Variants in VWF observed in about 807,000 individuals in gnomAD.
VWF encodes Factor VIII related antigen.
A neutral mutation model predicts 308.6 loss-of-function variants in VWF; 176 were observed. That is an observed-to-expected ratio of 0.57 (90% CI 0.50 to 0.65). The LOEUF (loss-of-function observed/expected upper bound fraction) is 0.65, where lower values mean the gene tolerates loss of function less well. Ranked by LOEUF, VWF falls within the 30% of genes least tolerant of loss-of-function variation. VWF has a pLI of 0.00. For synonymous variants in VWF, 1,385 were observed against 1,443.4 expected (o/e 0.96, Z 0.92); for missense variants, 3,146 against 3,648.2 (o/e 0.86, Z 3.55).
chr12:6,107,135 T>G (rs1945253802), intron 5 of VWF, among the ~76,000 whole-genome samples: 1 of 152,124 alleles, frequency 6.6e-6, no homozygotes, highest in Non-Finnish European at 1.5e-5. Context: ...CGGACCATGT[T>G]AAATGAAAGA....
chr12:6,088,681 TA>T (rs1232334883), intron 6 of VWF, among the ~76,000 whole-genome samples: 1 of 152,150 alleles, frequency 6.6e-6, no homozygotes, highest in African/African-American at 2.4e-5. Context: ...CGAATTTTTT[TA>T]AAGTGATCTA....
chr12:5,950,290 T>C (rs1157405255), intron 50 of VWF, among the ~76,000 whole-genome samples: 1 of 152,160 alleles, frequency 6.6e-6, no homozygotes. Flanking sequence ...TATCTCTTCA[T>C]TCCTGCCTTG....
chr12:6,101,015 G>A (rs927666016), intron 5 of VWF, among the ~76,000 whole-genome samples: 1 of 151,898 alleles, frequency 6.6e-6, no homozygotes, highest in Non-Finnish European at 1.5e-5. Context: ...AAGAAGAAAT[G>A]GAAATTTCAT....
At chr12:5,985,863 T>C (rs892490405) in intron 38 of VWF, among the ~76,000 whole-genome samples, 198 bp from the exon 39 acceptor site, 1 of 152,218 alleles carries the variant, frequency 6.6e-6, no homozygotes, top group African/African-American at 2.4e-5. Flanking sequence ...GGTTGCCACA[T>C]TGCTTTGTAA....
chr12:5,990,643 T>C (rs553342483), intron 38 of VWF, among the ~76,000 whole-genome samples: 1 of 152,076 alleles, frequency 6.6e-6, no homozygotes, highest in East Asian at 1.9e-4. Flanking sequence ...AAGCCAAATA[T>C]GCTTCTATCT....
intron 47 of VWF, among the ~76,000 whole-genome samples, chr12:5,955,168 T>C (rs1943233587): frequency 6.6e-6 from 1 of 152,154 alleles, no homozygotes; most frequent in South Asian, 2.1e-4. Context: ...AATTATCACT[T>C]AATATAAACA....
intron 5 of VWF, among the ~76,000 whole-genome samples, chr12:6,102,684 G>A (rs183105125): frequency 7.9e-5 from 12 of 151,782 alleles, no homozygotes; most frequent in South Asian, 6.2e-4. Flanking sequence ...GCAGTGAGCC[G>A]AGATTGTGCC....
At chr12:6,053,489 A>G (rs1944542270) in intron 15 of VWF, among the ~76,000 whole-genome samples, 1 of 152,164 alleles carries the variant, frequency 6.6e-6, no homozygotes, top group Non-Finnish European at 1.5e-5. Flanking sequence ...GAGGAGGGAC[A>G]CTCATGCCTA....
rs563479933 is a variant in VWF at position 6,046,849 on chromosome 12, C to T, written c.2187-32G>A. 131 of 1,597,808 alleles carry T rather than the reference C, an allele frequency of 8.2e-5. No homozygotes were observed. The East Asian group carries it at 2.7e-3, about 33-fold the overall frequency. ...AGAAGAAAATCATAGCCGAGCTTCA[C>T]GAGACTCGTCTATACTCGCTGCCTC... On this transcript the variant is annotated intron_variant, in intron 16 of 51. Transcript: ENST00000261405. The surrounding 1 kb of genome is among the most constrained non-coding windows in gnomAD (Gnocchi z 5.0).
chr12:5,959,878 A>G (rs1943292684), intron 47 of VWF, among the ~76,000 whole-genome samples: 5 of 151,656 alleles, frequency 3.3e-5, no homozygotes, highest in Admixed American at 3.3e-4. Context: ...ATTTTGTATT[A>G]GAAAATCATG....
chr12:6,115,121 C>T (rs927071915), intron 3 of VWF, among the ~76,000 whole-genome samples: 2 of 152,160 alleles, frequency 1.3e-5, no homozygotes, highest in Non-Finnish European at 2.9e-5. Flanking sequence ...ACTTCACCCT[C>T]GAACTCCTGG....
intron 34 of VWF, among the ~76,000 whole-genome samples, chr12:5,998,957 G>A (rs549621452): frequency 3.7e-4 from 57 of 152,270 alleles, no homozygotes; most frequent in Admixed American, 1.4e-3. Flanking sequence ...TCGAACTCCT[G>A]ACCTCGTGAT....
chr12:5,969,460 G>A lies in VWF; in HGVS notation c.7549-69C>T. ...GAGCCCAGGGTCCCATTGGGAATGT[G>A]CTCTTCTCTCAGGAAGGTGGTTTCT... On this transcript the variant is annotated intron_variant, in intron 44 of 51. Coordinates refer to ENST00000261405, the MANE Select transcript of VWF (RefSeq NM_000552.5). The A allele has an allele frequency of 3.2e-6, 5 of 1,582,648 alleles. 1 individual carries two copies. Among genetic ancestry groups the A allele is most frequent in the South Asian group, 2.3e-5 (2 of 88,626 alleles).
intron 6 of VWF, among the ~76,000 whole-genome samples, chr12:6,080,545 A>AG (rs951678688): frequency 2.0e-5 from 3 of 152,218 alleles, no homozygotes; most frequent in African/African-American, 7.2e-5. Flanking sequence ...GCTGCAGGGC[A>AG]GGAGGGAGGC....
rs1555189786 is a variant in VWF at position 5,964,238 on chromosome 12, A to ACATACATACATACATACATACATG, written c.7887+3247_7887+3248insCATGTATGTATGTATGTATGTATG. Among the ~76,000 whole-genome samples, 688 of 138,694 alleles carry ACATACATACATACATACATACATG rather than the reference A, an allele frequency of 5.0e-3. 9 individuals are homozygous for ACATACATACATACATACATACATG. Among genetic ancestry groups the ACATACATACATACATACATACATG allele is most frequent in the African/African-American group, 0.02 (633 of 30,974 alleles). The allele number at this position is 138,694 out of a possible 152,430, so 91.0% of individuals were successfully genotyped here. A position where few individuals can be genotyped will look rare whatever the true frequency, so the allele number is the denominator to read the frequency against. ...TCTAAAAATACATACATACATACAT[A>ACATACATACATACATACATACATG]CATACATACATGCATACATACATAC... is the stretch of plus-strand genomic sequence containing the variant. On this transcript the variant is annotated intron_variant, in intron 47 of 51. Coordinates refer to ENST00000261405, the MANE Select transcript of VWF (RefSeq NM_000552.5).
intron 20 of VWF, among the ~76,000 whole-genome samples, chr12:6,032,772 G>A (rs1591872892): frequency 6.6e-6 from 1 of 150,692 alleles, no homozygotes; most frequent in Non-Finnish European, 1.5e-5. Context: ...ACAGGCACAT[G>A]CATACACTCA....
At chr12:5,983,691 TTAGA>T (rs1325087495) in intron 40 of VWF, among the ~76,000 whole-genome samples, 2 of 151,024 alleles carry the variant, frequency 1.3e-5, no homozygotes, top group African/African-American at 2.4e-5. Flanking sequence ...GATACATAGG[TTAGA>T]TAGAGATAGG....
chr12:6,017,931 C>G (rs903779858), intron 28 of VWF, among the ~76,000 whole-genome samples: 17 of 152,160 alleles, frequency 1.1e-4, no homozygotes, highest in African/African-American at 4.1e-4. Context: ...ATGTCAGCTA[C>G]TCGGAATAAT....
chr12:6,044,955 G>A (rs1463716917), intron 17 of VWF, among the ~76,000 whole-genome samples: 2 of 151,986 alleles, frequency 1.3e-5, no homozygotes, highest in Non-Finnish European at 2.9e-5. Context: ...TGCAACACCC[G>A]CAACACTCCA....
Sources: gnomAD v4.1 joint callset for allele counts (sites outside exome capture counted in the v4.1 genomes callset) on GRCh38, gnomAD v4.1.1 for gene constraint, Gnocchi (gnomAD v3.1) non-coding constraint, MANE v1.5 for transcripts, NCBI Gene and HGNC (gene_info 2026-07-23, HGNC 2026-07-21) for gene names.